The following PPP4R3B variants were observed in gnomAD, a reference collection of about 807,000 sequenced individuals.
PPP4R3B encodes the protein protein phosphatase 4 regulatory subunit 3B.
PPP4R3B carries 52 observed loss-of-function variants against 95.4 expected under a neutral mutation model. That is an observed-to-expected ratio of 0.54 (90% CI 0.44 to 0.69). The LOEUF is 0.69. Ranked by LOEUF, PPP4R3B falls within the 30% of genes least tolerant of loss-of-function variation. The pLI is 0.00. For synonymous variants in PPP4R3B, 407 were observed against 343.9 expected (o/e 1.18, Z -2.03); for missense variants, 1,003 against 1,005.9 (o/e 1.00, Z 0.04).
chr2:55,581,493 T>G (rs1306861130), intron 8 of PPP4R3B, 74 bp downstream of exon 8: 1 of 1,445,410 alleles, frequency 6.9e-7, no homozygotes, highest in Admixed American at 2.2e-5. Flanking sequence ...AAATACTTGT[T>G]TCTCAAAATC....
intron 15 of PPP4R3B, among the ~76,000 whole-genome samples, chr2:55,561,586 A>G (rs1297946465): frequency 6.6e-6 from 1 of 152,256 alleles, no homozygotes; most frequent in Non-Finnish European, 1.5e-5. Flanking sequence ...GGGCGAAGCC[A>G]GCCATGGCCC....
intron 11 of PPP4R3B, among the ~76,000 whole-genome samples, chr2:55,574,776 A>C (rs1049566653): frequency 1.3e-5 from 2 of 149,116 alleles, no homozygotes; most frequent in African/African-American, 5.0e-5. Context: ...TTGTATTTTT[A>C]GTAGAGATGA....
At position 55,615,531 on chromosome 2, in the gene PPP4R3B, A is replaced by G. The variant is rs769297097; in HGVS notation, c.143-25T>C. 3.4e-5 allele frequency: 50 copies of G among 1,480,326 alleles called. No homozygotes were observed. In the East Asian group the frequency reaches 3.9e-4, roughly 11 times the overall value. The allele number at this position is 1,480,326 out of a possible 1,614,324, so 91.7% of individuals were successfully genotyped here. Reference sequence around the variant, plus strand: ...CCTGAAAGATAAAAAATAATACATCATAAGTCTCAAATGATAAAACCCTGA... The same window carrying G: ...CCTGAAAGATAAAAAATAATACATCGTAAGTCTCAAATGATAAAACCCTGA... On this transcript the variant is annotated intron_variant, in intron 1 of 16. Coordinates refer to ENST00000616407, the MANE Select transcript of PPP4R3B (RefSeq NM_001122964.3).
Position 55,617,317 on chromosome 2 carries a change from G to T in PPP4R3B, c.-32C>A, listed in dbSNP as rs372934173. On this transcript the variant is annotated 5_prime_UTR_variant, in exon 1 of 17. Coordinates refer to ENST00000616407, the MANE Select transcript of PPP4R3B (RefSeq NM_001122964.3). ...TGCTGTCTCCACCGCTCTAGCCGCCGCCTCCTCGCTTACCTCGTCCGCGCT... is the reference window on the plus strand; with the variant it reads ...TGCTGTCTCCACCGCTCTAGCCGCCTCCTCCTCGCTTACCTCGTCCGCGCT... The T allele has an allele frequency of 1.9e-6, 3 of 1,548,780 alleles. No homozygotes were observed. The African/African-American group carries it at 4.1e-5, about 21-fold the overall frequency.
intron 12 of PPP4R3B, among the ~76,000 whole-genome samples, chr2:55,573,353 G>A (rs1688247868): frequency 6.6e-6 from 1 of 152,090 alleles, no homozygotes; most frequent in African/African-American, 2.4e-5. Context: ...AAAACAGCAG[G>A]ACTGGTTCTG....
In PPP4R3B at chr2:55,617,380, T is replaced by C. The variant is rs1038047960; in HGVS notation, c.-95A>G. On this transcript the variant is annotated 5_prime_UTR_variant, in exon 1 of 17. Coordinates refer to ENST00000616407, the MANE Select transcript of PPP4R3B (RefSeq NM_001122964.3). ...GAGACGGTAAAGGCAGTAGTGGCGG[T>C]GGCGGCGGCGGCGGCTTCGGAGAGG... 3.7e-6 allele frequency: 5 copies of C among 1,355,948 alleles called. No homozygotes were observed. Among genetic ancestry groups the C allele is most frequent in the African/African-American group, 3.0e-5 (2 of 67,332 alleles). 84.0% of individuals were successfully genotyped at this position (1,355,948 alleles called of 1,614,324 possible). A position where few individuals can be genotyped will look rare whatever the true frequency, so the allele number is the denominator to read the frequency against.
Position 55,617,181 on chromosome 2 carries a change from G to C in PPP4R3B, c.105C>G (p.Leu35=), listed in dbSNP as rs1458167451. ...CCCGAACCAGCAGCGACATCCCCTT[G>C]AGCTCCTCCACGTAAGTGGAGGAGA... The part of the protein sequence containing the change: ...GHVSSTYVEE[L]KGMSLLVRAE... The change falls in exon 1 of 17, where the codon CTC becomes CTG. Residue 35 remains leucine, a synonymous_variant. Coordinates refer to ENST00000616407, the MANE Select transcript of PPP4R3B (RefSeq NM_001122964.3). 6.2e-7 allele frequency: 1 copy of C among 1,613,462 alleles called. No individual in the cohort carries two copies. The highest frequency in any genetic ancestry group is 8.5e-7 in the Non-Finnish European group (1 of 1,179,700).
intron 2 of PPP4R3B, among the ~76,000 whole-genome samples, chr2:55,607,723 C>T (rs1390906522): frequency 6.6e-6 from 1 of 152,166 alleles, no homozygotes; most frequent in Non-Finnish European, 1.5e-5. Context: ...AAACCCTCAG[C>T]CCCTCTCCCC....
intron 14 of PPP4R3B, 96 bp from the exon 15 acceptor site, chr2:55,564,593 T>C: frequency 9.6e-7 from 1 of 1,039,808 alleles, no homozygotes; most frequent in Non-Finnish European, 1.4e-6. Flanking sequence ...TGAACTGAAG[T>C]AATTTTAACT....
intron 15 of PPP4R3B, among the ~76,000 whole-genome samples, chr2:55,561,940 T>C (rs1481944425): frequency 6.6e-6 from 1 of 152,154 alleles, no homozygotes; most frequent in African/African-American, 2.4e-5. Context: ...GGTTTTGAAA[T>C]GTAAAAAGGA....
Position 55,564,919 on chromosome 2 carries a change from TTGTC to T in PPP4R3B, c.2054_2057del (p.Arg685LysfsTer5), listed in dbSNP as rs780328971. 9.9e-6 allele frequency: 16 copies of T among 1,610,670 alleles called. No individual in the cohort carries two copies. The highest frequency in any genetic ancestry group is 2.7e-5 in the African/African-American group (2 of 74,766). Reference sequence around the variant, plus strand: ...AACAATACCTGTTCAGTTTCTGATTTTGTCTGTCTTTTTCTTGCTCATATTTAGT... The same window carrying T: ...AACAATACCTGTTCAGTTTCTGATTTTGTCTTTTTCTTGCTCATATTTAGT... On this transcript the variant is annotated frameshift_variant, in exon 14 of 17. Transcript: ENST00000616407. LOFTEE classifies it high-confidence loss of function.
In PPP4R3B at chr2:55,617,214, G is replaced by A. The variant is rs1446725372; in HGVS notation, c.72C>T (p.Thr24=). The A allele has an allele frequency of 6.2e-7, 1 of 1,613,956 alleles. No homozygotes were observed. The part of the protein sequence containing the change: ...NEDRQWDDRG[T]GHVSSTYVEE... ...CCACGTAAGTGGAGGAGACGTGCCC[G>A]GTGCCTCGGTCGTCCCATTGCCGGT... Residue 24 remains threonine, a synonymous_variant, in exon 1 of 17, where the codon ACC becomes ACT. Transcript: ENST00000616407.
At position 55,598,672 on chromosome 2, in the gene PPP4R3B, A is replaced by G; in HGVS notation, c.665T>C (p.Val222Ala). 1 of 1,614,226 alleles carries G rather than the reference A, an allele frequency of 6.2e-7. No individual in the cohort carries two copies. The highest frequency in any genetic ancestry group is 8.5e-7 in the Non-Finnish European group (1 of 1,180,044). Residue 222 changes from valine (V) to alanine (A), a missense_variant, in exon 4 of 17, where the codon GTC becomes GCC. Coordinates refer to ENST00000616407, the MANE Select transcript of PPP4R3B (RefSeq NM_001122964.3). Reference sequence around the variant, plus strand: ...AGGGTCATATTCAAGGCATCCCACGACATCCATGATACACTCATCAGAAAA... The same window carrying G: ...AGGGTCATATTCAAGGCATCCCACGGCATCCATGATACACTCATCAGAAAA... ...VMFSDECIMD[V>A]VGCLEYDPAL...
Position 55,548,013 on chromosome 2 carries a change from T to C in PPP4R3B, c.*1898A>G, listed in dbSNP as rs1441356951. On this transcript the variant is annotated 3_prime_UTR_variant, in exon 17 of 17. Transcript: ENST00000616407. ...AGAGATGGGTCTCGATAAAATTTGATGATTCAAAGAAAGTGGATGGGAACT... is the reference window on the plus strand; with the variant it reads ...AGAGATGGGTCTCGATAAAATTTGACGATTCAAAGAAAGTGGATGGGAACT... The C allele has an allele frequency of 6.6e-6, 1 of 152,238 alleles. No individual in the cohort carries two copies. Among genetic ancestry groups the C allele is most frequent in the South Asian group, 2.1e-4 (1 of 4,834 alleles). The allele number at this position is 152,238 out of a possible 1,614,324, so 9.4% of individuals were successfully genotyped here. A position where few individuals can be genotyped will look rare whatever the true frequency, so the allele number is the denominator to read the frequency against.
chr2:55,561,478 A>T (rs761349614), intron 15 of PPP4R3B, among the ~76,000 whole-genome samples: 9 of 152,148 alleles, frequency 5.9e-5, no homozygotes, highest in Non-Finnish European at 1.2e-4. Context: ...AGAACAGTAG[A>T]TCTACCAACA....
chr2:55,552,008 T>C (rs969018012), intron 16 of PPP4R3B, among the ~76,000 whole-genome samples: 3 of 152,218 alleles, frequency 2.0e-5, no homozygotes, highest in Non-Finnish European at 2.9e-5. Flanking sequence ...TAGTATTACA[T>C]ATCATAACGT....
intron 7 of PPP4R3B, among the ~76,000 whole-genome samples, chr2:55,582,908 A>C (rs1205290063): frequency 6.6e-6 from 1 of 152,166 alleles, no homozygotes. Context: ...AAAGGCCATT[A>C]ATATAAAAAT....
intron 6 of PPP4R3B, 39 bp downstream of exon 6, chr2:55,586,579 T>G (rs763323130): frequency 3.2e-6 from 4 of 1,242,598 alleles, no homozygotes; most frequent in Non-Finnish European, 4.6e-6. Flanking sequence ...TATTACAAAT[T>G]TACAATTTCA....
At chr2:55,605,942 C>T (rs959260328) in intron 2 of PPP4R3B, among the ~76,000 whole-genome samples, 1 of 150,366 alleles carries the variant, frequency 6.7e-6, no homozygotes, top group African/African-American at 2.4e-5. Flanking sequence ...TTCAGTTTCT[C>T]TCATCATCCA....
Sources: allele counts gnomAD v4.1 joint callset (sites outside exome capture counted in the v4.1 genomes callset), GRCh38; gene constraint gnomAD v4.1.1; transcripts MANE v1.5; gene names NCBI Gene and HGNC (gene_info 2026-07-23, HGNC 2026-07-21).